Variants in NFATC2 observed in about 807,000 individuals in gnomAD.
The protein encoded by NFATC2 is nuclear factor of activated T cells 2.
In NFATC2, 22 loss-of-function variants were observed where a neutral mutation model predicts 87.3. That is an observed-to-expected ratio of 0.25 (90% confidence interval 0.18 to 0.36). The LOEUF (loss-of-function observed/expected upper bound fraction) is 0.36, where lower values mean the gene tolerates loss of function less well. NFATC2 is among the 10% of genes least tolerant of loss of function. NFATC2 has a pLI of 1.00. For missense variants in NFATC2, 1,149 were observed against 1,259.1 expected, an observed-to-expected ratio of 0.91 and a Z score of 1.32; for synonymous variants, 565 against 542.2, an observed-to-expected ratio of 1.04 and a Z score of -0.58.
chr20:51,396,112 A>G (rs6013173), intron 10 of NFATC2, among the ~76,000 whole-genome samples: 1,710 of 140,502 alleles, frequency 0.012, 54 homozygotes, highest in African/African-American at 0.043. Flanking sequence ...GGCAAAGAAG[A>G]AAAAGCAGGG....
chr20:51,453,086 CCTTA>C (rs1412520605), intron 6 of NFATC2: 1 of 154,668 alleles, frequency 6.5e-6, no homozygotes, highest in African/African-American at 2.4e-5. Flanking sequence ...ACTGCCACAG[CCTTA>C]CTTAATACCT....
intron 1 of NFATC2, among the ~76,000 whole-genome samples, chr20:51,548,181 C>T (rs1304006445): frequency 1.3e-5 from 2 of 152,178 alleles, no homozygotes; most frequent in Non-Finnish European, 2.9e-5. Context: ...ATAACGCCCA[C>T]ATGACCCCAC....
At chr20:51,471,454 T>C (rs997394025) in intron 5 of NFATC2, among the ~76,000 whole-genome samples, 7 of 152,228 alleles carry the variant, frequency 4.6e-5, no homozygotes, top group Non-Finnish European at 8.8e-5. Flanking sequence ...AGAATTCCAA[T>C]ATTTCTAGTA....
At chr20:51,405,115 C>T (rs1988430425) in intron 9 of NFATC2, among the ~76,000 whole-genome samples, 1 of 152,134 alleles carries the variant, frequency 6.6e-6, no homozygotes, top group Non-Finnish European at 1.5e-5. Flanking sequence ...CAAGAGGAGC[C>T]ACCTGCTTCG....
At chr20:51,554,977 G>T (rs892123531) in intron 1 of NFATC2, among the ~76,000 whole-genome samples, 1 of 152,168 alleles carries the variant, frequency 6.6e-6, no homozygotes, top group East Asian at 1.9e-4. Flanking sequence ...ACCAAAGCCA[G>T]GGACCATCCC....
chr20:51,399,465 G>A (rs1485518238), intron 9 of NFATC2, among the ~76,000 whole-genome samples: 1 of 151,826 alleles, frequency 6.6e-6, no homozygotes, highest in Non-Finnish European at 1.5e-5. Context: ...AGGGAATAAT[G>A]CAGCGTTATT....
At chr20:51,479,026 G>C (rs1988996218) in intron 3 of NFATC2, among the ~76,000 whole-genome samples, 1 of 152,202 alleles carries the variant, frequency 6.6e-6, no homozygotes, top group South Asian at 2.1e-4. Context: ...AATTTTAAGA[G>C]CCAGTTGACA....
chr20:51,492,001 G>A (rs1452561620), intron 3 of NFATC2, among the ~76,000 whole-genome samples: 1 of 150,838 alleles, frequency 6.6e-6, no homozygotes, highest in South Asian at 2.1e-4. Context: ...CCCCAGCCCC[G>A]CGCCCCCGGA....
chr20:51,398,420 G>A (rs77379100), intron 10 of NFATC2, among the ~76,000 whole-genome samples: 3,190 of 152,148 alleles, frequency 0.021, 41 homozygotes, highest in Non-Finnish European at 0.033. Flanking sequence ...CAAGTTAATG[G>A]GGCCTCATCC....
chr20:51,426,132 C>T (rs1981799408), intron 9 of NFATC2, among the ~76,000 whole-genome samples: 1 of 151,886 alleles, frequency 6.6e-6, no homozygotes, highest in African/African-American at 2.4e-5. Flanking sequence ...TTCTCCTACA[C>T]AAATAGATTT....
intron 5 of NFATC2, 62 bp downstream of exon 5, chr20:51,473,918 C>G: frequency 6.4e-7 from 1 of 1,565,652 alleles, no homozygotes; most frequent in Non-Finnish European, 8.7e-7. Context: ...ACACTGCTCC[C>G]GGGGGAAGCC....
chr20:51,396,685 G>T (rs1169356153), intron 10 of NFATC2, among the ~76,000 whole-genome samples: 1 of 152,126 alleles, frequency 6.6e-6, no homozygotes, highest in Non-Finnish European at 1.5e-5. Flanking sequence ...GCCAAGAGGG[G>T]GCCCAAGGCA....
chr20:51,530,341 G>A (rs2076612758), intron 1 of NFATC2, among the ~76,000 whole-genome samples: 1 of 151,872 alleles, frequency 6.6e-6, no homozygotes, highest in Non-Finnish European at 1.5e-5. Context: ...TAATTTTTTT[G>A]TGTTTTCAGT....
chr20:51,515,461 C>T (rs2076336783), intron 3 of NFATC2, among the ~76,000 whole-genome samples: 1 of 152,206 alleles, frequency 6.6e-6, no homozygotes, highest in South Asian at 2.1e-4. Context: ...AGTTTAAAAT[C>T]TAAGCCCCAT....
intron 3 of NFATC2, among the ~76,000 whole-genome samples, chr20:51,492,896 C>T (rs924187825): frequency 2.0e-5 from 3 of 152,258 alleles, no homozygotes; most frequent in African/African-American, 4.8e-5. Flanking sequence ...GCCCTGGGTT[C>T]CTCGGTCAGC....
At chr20:51,561,484 A>AAAGCAAGCAAGCAAGCAAGCAAGCAAGC (rs377087625) in intron 1 of NFATC2, among the ~76,000 whole-genome samples, 2 of 89,980 alleles carry the variant, frequency 2.2e-5, no homozygotes, top group African/African-American at 9.3e-5. Context: ...AGAAAGAAAG[A>AAAGCAAGCAAGCAAGCAAGCAAGCAAGC]AAGCAAGCAA....
chr20:51,443,075 CCTTGGAA>C (rs1464708801), intron 6 of NFATC2, among the ~76,000 whole-genome samples: 1 of 152,188 alleles, frequency 6.6e-6, no homozygotes, highest in Non-Finnish European at 1.5e-5. Context: ...TATCTCCAGG[CCTTGGAA>C]CTTGCTGTTG....
rs185889633 is a variant in NFATC2 at position 51,513,853 on chromosome 20, C to T, written c.1332+2931G>A. 2.4e-3 allele frequency among the ~76,000 whole-genome samples: 372 copies of T among 152,330 alleles called. 1 individual carries two copies. The highest frequency in any genetic ancestry group is 3.9e-3 in the Non-Finnish European group (264 of 68,018). On this transcript the variant is annotated intron_variant, in intron 3 of 10. Transcript: ENST00000371564. ...GGGGAATGGAGTGGCCCGCAGGAGG[C>T]GTGGGCATTTCCCCTTCAGGCTTTT...
chr20:51,398,728 G>C lies in NFATC2; in HGVS notation c.2725C>G (p.Leu909Val). 5 of 1,607,800 alleles carry C rather than the reference G, an allele frequency of 3.1e-6. No homozygotes were observed. Among genetic ancestry groups the C allele is most frequent in the Non-Finnish European group, 4.3e-6 (5 of 1,175,620 alleles). Residue 909 changes from leucine (L) to valine (V), a missense_variant and splice_region_variant, in exon 10 of 11, where the codon CTG (leucine) becomes GTG (valine). Around this residue, in one of 3 missense-constraint regions of NFATC2, gnomAD observed 581 missense variants for 649.7 expected, o/e 0.89. Transcript: ENST00000371564. The part of the protein sequence containing the change: ...NLDQTYLDDE[L>V]IDTHLSWIQN... ...ATCCAGCTAAGGTGTGTGTCTATCAGCTCTGAAAAAGATTTGCAAAATCAT... is the reference window on the plus strand; with the variant it reads ...ATCCAGCTAAGGTGTGTGTCTATCACCTCTGAAAAAGATTTGCAAAATCAT...
Sources: allele counts gnomAD v4.1 joint callset (sites outside exome capture counted in the v4.1 genomes callset), GRCh38; gene constraint gnomAD v4.1.1; regional missense constraint gnomAD v4.1.1; transcripts MANE v1.5; gene names NCBI Gene and HGNC (gene_info 2026-07-23, HGNC 2026-07-21).